Variants in DCAF8 observed in about 807,000 individuals in gnomAD.
The protein encoded by DCAF8 is DDB1- and CUL4-associated factor 8.
Under a neutral mutation model 68.0 loss-of-function variants are expected in DCAF8, and 20 were observed. That is an observed-to-expected ratio of 0.29 (90% CI 0.21 to 0.43). The LOEUF (loss-of-function observed/expected upper bound fraction) is 0.43, where lower values mean the gene tolerates loss of function less well. Ranked by LOEUF, DCAF8 falls within the 20% of genes least tolerant of loss-of-function variation. The pLI is 1.00. For synonymous variants in DCAF8, 230 were observed against 276.9 expected (o/e 0.83, Z 1.68); for missense variants, 460 against 771.0 (o/e 0.60, Z 4.78).
chr1:160,262,326 G>A, intron 1 of DCAF8, 123 bp downstream of exon 1: 6 of 399,402 alleles, frequency 1.5e-5, no homozygotes, highest in Middle Eastern at 1.3e-3. Flanking sequence ...TACAAGCACG[G>A]GAATCGGCGA....
chr1:160,219,951 T>A (rs1243293864), intron 11 of DCAF8: 1 of 152,246 alleles, frequency 6.6e-6, no homozygotes, highest in East Asian at 1.9e-4. Flanking sequence ...GAAAACAACT[T>A]CTTTTAGTTC....
At position 160,224,506 on chromosome 1, in the gene DCAF8, G is replaced by C; in HGVS notation, c.1245C>G (p.Asn415Lys). Residue 415 changes from asparagine to lysine, a missense_variant, in exon 10 of 14, where the codon AAC becomes AAG. By Grantham distance (94) the Asn-to-Lys change is moderately conservative (BLOSUM62 0). Around this residue, in one of 8 missense-constraint regions of DCAF8, gnomAD observed 16 missense variants for 17.3 expected, o/e 0.93. Coordinates refer to ENST00000368074, the MANE Select transcript of DCAF8 (RefSeq NM_015726.4). ...SYNDEDIYLFNSSHSDGAQYV... is the reference protein window; with the variant it reads ...SYNDEDIYLFKSSHSDGAQYV... ...ACTGGGCCCCATCACTGTGAGAGGA[G>C]TTGAAGAGGTAAATGTCTTCATCAT... 1 of 1,614,146 alleles carries C rather than the reference G, an allele frequency of 6.2e-7. No homozygotes were observed. Among genetic ancestry groups the C allele is most frequent in the Middle Eastern group, 1.7e-4 (1 of 6,050 alleles).
chr1:160,248,914 G>A (rs1039251675), intron 2 of DCAF8, among the ~76,000 whole-genome samples: 2 of 151,440 alleles, frequency 1.3e-5, no homozygotes, highest in Non-Finnish European at 2.9e-5. Context: ...AAAAGAGGGC[G>A]GGTGTGGTGC....
At chr1:160,243,503 C>G (rs1656204066) in intron 3 of DCAF8, among the ~76,000 whole-genome samples, 1 of 151,758 alleles carries the variant, frequency 6.6e-6, no homozygotes, top group Non-Finnish European at 1.5e-5. Context: ...CTCAGCCTCC[C>G]AAAGTGCTGA....
At chr1:160,230,845 G>A (rs1428396540) in intron 7 of DCAF8, among the ~76,000 whole-genome samples, 1 of 152,008 alleles carries the variant, frequency 6.6e-6, no homozygotes, top group African/African-American at 2.4e-5. Context: ...TCTGACTCCT[G>A]AGCTCAAGTG....
chr1:160,259,281 T>G (rs1163006382), intron 2 of DCAF8, among the ~76,000 whole-genome samples: 1 of 152,184 alleles, frequency 6.6e-6, no homozygotes, highest in African/African-American at 2.4e-5. Flanking sequence ...ACACCTGTAA[T>G]CCTAGCACTT....
rs140248185 is a variant in DCAF8, at chr1:160,248,183, C to G, written c.-26-4149G>C. Among the ~76,000 whole-genome samples the G allele has an allele frequency of 6.1e-3, 927 of 151,870 alleles. 3 individuals carry two copies. The highest frequency in any genetic ancestry group is 9.3e-3 in the Non-Finnish European group (632 of 67,938). On this transcript the variant is annotated intron_variant, in intron 2 of 13. Coordinates refer to ENST00000368074, the MANE Select transcript of DCAF8 (RefSeq NM_015726.4). ...TTAGCCGGGCGTGGTGGCACATGCCCGTAGTCCCTGCTACTGGGGAAGCTG... is the reference window on the plus strand; with the variant it reads ...TTAGCCGGGCGTGGTGGCACATGCCGGTAGTCCCTGCTACTGGGGAAGCTG...
intron 6 of DCAF8, among the ~76,000 whole-genome samples, chr1:160,236,263 A>ACACACAC (rs60453098): frequency 0.027 from 3,840 of 144,562 alleles, 146 homozygotes; most frequent in African/African-American, 0.09. Context: ...ATCACACACA[A>ACACACAC]ACACACACAC....
chr1:160,239,796 C>A lies in DCAF8; in HGVS notation c.624G>T (p.Leu208=), dbSNP rs760425431. ...CCTTCAGGTCATCGCTGCCACTGGC[C>A]AGCCAGGTGCCGCGCTGGTTAAAGT... ...TLHFNQRGTW[L]ASGSDDLKVV... is the part of the protein sequence containing the mutation. The change falls in exon 4 of 14, where the codon CTG becomes CTT. Residue 208 remains leucine, a synonymous_variant. Transcript: ENST00000368074. 9 of 1,614,278 alleles carry A rather than the reference C, an allele frequency of 5.6e-6. No individual in the cohort carries two copies. In the South Asian group the frequency reaches 9.9e-5, roughly 18 times the overall value.
intron 2 of DCAF8, among the ~76,000 whole-genome samples, chr1:160,259,263 G>T (rs914782111): frequency 6.6e-6 from 1 of 152,174 alleles, no homozygotes; most frequent in Non-Finnish European, 1.5e-5. Flanking sequence ...GGCCGGGCAT[G>T]GTGGTTCACA....
In DCAF8 at chr1:160,224,461, G is replaced by A. The variant is rs1329768183; in HGVS notation, c.1290C>T (p.Gly430=). 1 of 1,613,688 alleles carries A rather than the reference G, an allele frequency of 6.2e-7. No homozygotes were observed. The highest frequency in any genetic ancestry group is 1.3e-5 in the African/African-American group (1 of 74,936). ...TCTCACCTGTGGCATTATTTCTGTG[G>A]CCCTTGTATCTCTTAACATACTGGG... ...DGAQYVKRYK[G]HRNNATVKGV... is the part of the protein sequence containing the mutation. Residue 430 remains glycine (G), a synonymous_variant, in exon 10 of 14, where the codon GGC becomes GGT. Coordinates refer to ENST00000368074, the MANE Select transcript of DCAF8 (RefSeq NM_015726.4).
intron 7 of DCAF8, among the ~76,000 whole-genome samples, chr1:160,230,446 CA>C (rs558140812): frequency 1.3e-3 from 199 of 152,212 alleles, no homozygotes; most frequent in Middle Eastern, 6.8e-3. Context: ...ACTGAATCCA[CA>C]GTGTCTGTTT....
At chr1:160,240,484 A>C (rs190482851) in intron 3 of DCAF8, 114 bp from the exon 4 acceptor site, 1 of 981,600 alleles carries the variant, frequency 1.0e-6, no homozygotes, top group Admixed American at 2.6e-5. Flanking sequence ...ACTTTGGTCC[A>C]AGTGTTTTCA....
At chr1:160,249,392 T>C (rs1237356418) in intron 2 of DCAF8, among the ~76,000 whole-genome samples, 1 of 152,228 alleles carries the variant, frequency 6.6e-6, no homozygotes, top group Non-Finnish European at 1.5e-5. Context: ...ATATACACTG[T>C]TACTAGAAAT....
rs116743190 is a variant in DCAF8, at chr1:160,252,538, A to T, written c.-26-8504T>A. On this transcript the variant is annotated intron_variant, in intron 2 of 13. Transcript: ENST00000368074. ...TTGGCTAGATGGTAAGGTATAGTTG[A>T]TTAGTTAAGAAGTATAATAAAAGCT... Among the ~76,000 whole-genome samples, 976 of 152,302 alleles carry T rather than the reference A, an allele frequency of 6.4e-3. 15 individuals are homozygous for T. Among genetic ancestry groups the T allele is most frequent in the African/African-American group, 0.023 (944 of 41,560 alleles).
At position 160,239,700 on chromosome 1, in the gene DCAF8, G is replaced by A; in HGVS notation, c.720C>T (p.Phe240=). 1.2e-6 allele frequency: 2 copies of A among 1,614,166 alleles called. No individual in the cohort carries two copies. Among genetic ancestry groups the A allele is most frequent in the South Asian group, 1.1e-5 (1 of 91,084 alleles). ...CTATTATGCTCCCTTGCCTCACCTG[G>A]AACACATTACTTTTGTGGCCACTCT... ...DFESGHKSNV[F]QAKFLPNSGD... Residue 240 remains phenylalanine, a synonymous_variant, in exon 4 of 14, where the codon TTC becomes TTT. Transcript: ENST00000368074.
chr1:160,251,206 T>G (rs575430589), intron 2 of DCAF8, among the ~76,000 whole-genome samples: 72 of 152,240 alleles, frequency 4.7e-4, no homozygotes, highest in Non-Finnish European at 8.2e-4. Flanking sequence ...AGTCCCAAGT[T>G]TCTCTTGGGA....
At chr1:160,251,482 C>CT (rs891210115) in intron 2 of DCAF8, among the ~76,000 whole-genome samples, 53 of 149,578 alleles carry the variant, frequency 3.5e-4, no homozygotes, top group African/African-American at 8.1e-4. Flanking sequence ...TGCAGATGTT[C>CT]TTTTTTTTTT....
rs1165433141 is a variant in DCAF8 at position 160,262,473 on chromosome 1, C to G, written c.-125G>C. 5.0e-6 allele frequency: 2 copies of G among 401,352 alleles called. No homozygotes were observed. The highest frequency in any genetic ancestry group is 1.3e-4 in the South Asian group (1 of 7,956). The allele number at this position is 401,352 out of a possible 1,614,324, so 24.9% of individuals were successfully genotyped here. On this transcript the variant is annotated 5_prime_UTR_variant, in exon 1 of 14. Coordinates refer to ENST00000368074, the MANE Select transcript of DCAF8 (RefSeq NM_015726.4). ...CACTGGCCAGCGGCCGCCACCACCA[C>G]CGCCTCCGCTCTCTGCGCTTGCGCC... is the stretch of plus-strand genomic sequence containing the variant.
Sources: gnomAD v4.1 joint callset for allele counts (sites outside exome capture counted in the v4.1 genomes callset) on GRCh38, gnomAD v4.1.1 for gene constraint, gnomAD v4.1.1 regional missense constraint, MANE v1.5 for transcripts, NCBI Gene and HGNC (gene_info 2026-07-23, HGNC 2026-07-21) for gene names.